Variants in IL1RAPL2 observed in about 807,000 individuals in gnomAD.
IL1RAPL2 encodes X-linked interleukin-1 receptor accessory protein-like 2.
A neutral mutation model predicts 44.1 loss-of-function variants in IL1RAPL2; 3 were observed. The ratio of observed to expected loss-of-function variants is 0.07; its 90% CI spans 0.03 to 0.18. The LOEUF (loss-of-function observed/expected upper bound fraction) is 0.18, where lower values mean the gene tolerates loss of function less well. Among genes scored for constraint, IL1RAPL2 ranks in the 10% least tolerant of loss-of-function variants. IL1RAPL2 has a pLI of 1.00. For synonymous variants in IL1RAPL2, 181 were observed against 178.8 expected, an observed-to-expected ratio of 1.01 and a Z score of -0.10; for missense variants, 391 against 496.4, an observed-to-expected ratio of 0.79 and a Z score of 2.02.
At chrX:105,754,231 AT>A (rs1177621206) in intron 9 of IL1RAPL2, among the ~76,000 whole-genome samples, 5 of 112,196 alleles carry the variant, frequency 4.5e-5, no homozygotes, top group East Asian at 2.8e-4. Flanking sequence ...ACTTAAAAAA[AT>A]TTTTTTTAAT....
intron 6 of IL1RAPL2, among the ~76,000 whole-genome samples, chrX:105,610,044 G>T (rs2037324288): frequency 8.9e-6 from 1 of 111,737 alleles, no homozygotes; most frequent in African/African-American, 3.2e-5. Flanking sequence ...AAAAGAGGCT[G>T]TCTGCTTGCC....
At chrX:105,383,159 A>C (rs1374555893) in intron 5 of IL1RAPL2, among the ~76,000 whole-genome samples, 1 of 110,632 alleles carries the variant, frequency 9.0e-6, no homozygotes, top group East Asian at 2.9e-4. Context: ...AATAAAAAAA[A>C]AAACTATAGT....
intron 2 of IL1RAPL2, among the ~76,000 whole-genome samples, chrX:104,855,680 C>CCTTTTTTTTTTTTTTTTT (rs1304044009): frequency 1.9e-5 from 1 of 53,778 alleles, no homozygotes; most frequent in African/African-American, 6.3e-5. Context: ...GATCTGGATC[C>CCTTTTTTTTTTTTTTTTT]GTTTTTTTTT....
intron 1 of IL1RAPL2, among the ~76,000 whole-genome samples, chrX:104,642,565 A>G (rs191868347): frequency 1.4e-3 from 155 of 109,990 alleles, no homozygotes; most frequent in African/African-American, 4.7e-3. Context: ...GCTCACTGCA[A>G]CCTCCACCTC....
intron 2 of IL1RAPL2, among the ~76,000 whole-genome samples, chrX:105,040,194 C>T (rs957159841): frequency 6.3e-5 from 7 of 111,223 alleles, no homozygotes; most frequent in East Asian, 2.8e-4. Context: ...TATCGATTTG[C>T]GTATATTGAA....
intron 2 of IL1RAPL2, among the ~76,000 whole-genome samples, chrX:105,045,507 C>T (rs748100836): frequency 3.8e-4 from 43 of 111,776 alleles, no homozygotes; most frequent in African/African-American, 1.4e-3. Flanking sequence ...CAGGGGACTG[C>T]TCTTTGCATT....
Position 104,658,877 on chromosome X carries a change from T to C in IL1RAPL2, c.-19-18T>C, listed in dbSNP as rs1264524311. ...GATCTGTGGTTCAAACTTTATATCCTTTTTTTTGACTTTTCAGCTGTCAAG... is the reference window on the plus strand; with the variant it reads ...GATCTGTGGTTCAAACTTTATATCCCTTTTTTTGACTTTTCAGCTGTCAAG... On this transcript the variant is annotated intron_variant, in intron 1 of 10. Transcript: ENST00000372582. 2 of 1,022,515 alleles carry C rather than the reference T, an allele frequency of 2.0e-6. No individual in the cohort carries two copies. The highest frequency in any genetic ancestry group is 6.3e-5 in the East Asian group (2 of 31,631). The allele number at this position is 1,022,515 out of a possible 1,213,427, so 84.3% of individuals were successfully genotyped here. A position where few individuals can be genotyped will look rare whatever the true frequency, so the allele number is the denominator to read the frequency against.
At chrX:104,942,194 G>A (rs1453838073) in intron 2 of IL1RAPL2, among the ~76,000 whole-genome samples, 1 of 111,697 alleles carries the variant, frequency 9.0e-6, no homozygotes, top group Non-Finnish European at 1.9e-5. Context: ...TTCTTTTTTG[G>A]TTCCATATGA....
chrX:105,521,692 C>T, intron 6 of IL1RAPL2, among the ~76,000 whole-genome samples: 1 of 112,159 alleles, frequency 8.9e-6, no homozygotes, highest in Non-Finnish European at 1.9e-5. Context: ...TGTGCTTTCC[C>T]TTCCACCATG....
chrX:105,420,432 C>A (rs1305247694), intron 5 of IL1RAPL2, among the ~76,000 whole-genome samples: 1 of 111,423 alleles, frequency 9.0e-6, no homozygotes, highest in Non-Finnish European at 1.9e-5. Context: ...TGTATTAACC[C>A]CAAATCCTAG....
chrX:105,445,317 C>CA (rs1168236754), intron 5 of IL1RAPL2, among the ~76,000 whole-genome samples: 2 of 110,936 alleles, frequency 1.8e-5, no homozygotes, highest in Non-Finnish European at 3.8e-5. Flanking sequence ...TTTATCTTTA[C>CA]AAAAAAACAA....
At chrX:105,298,025 A>C (rs1241810640) in intron 5 of IL1RAPL2, among the ~76,000 whole-genome samples, 2 of 110,783 alleles carry the variant, frequency 1.8e-5, no homozygotes, top group East Asian at 5.7e-4. Context: ...TGGTATAAAC[A>C]TGTTTATATA....
intron 2 of IL1RAPL2, among the ~76,000 whole-genome samples, chrX:104,679,987 C>T (rs764547833): frequency 8.1e-5 from 9 of 111,188 alleles, no homozygotes; most frequent in South Asian, 3.8e-4. Flanking sequence ...GGCAAAGAGG[C>T]GCTATGGGGT....
intron 2 of IL1RAPL2, among the ~76,000 whole-genome samples, chrX:104,730,009 T>C (rs1296569419): frequency 9.0e-6 from 1 of 110,614 alleles, no homozygotes; most frequent in Non-Finnish European, 1.9e-5. Flanking sequence ...ATTACAATGA[T>C]GATATAAGGA....
chrX:104,948,209 C>A (rs1391579048), intron 2 of IL1RAPL2, among the ~76,000 whole-genome samples: 1 of 107,305 alleles, frequency 9.3e-6, no homozygotes. Flanking sequence ...CATGATTTGG[C>A]TCTCTGTTTG....
At chrX:104,809,927 G>T (rs1279701853) in intron 2 of IL1RAPL2, among the ~76,000 whole-genome samples, 1 of 110,949 alleles carries the variant, frequency 9.0e-6, no homozygotes, top group Non-Finnish European at 1.9e-5. Flanking sequence ...TATACCCAAA[G>T]GACTATAAAT....
intron 6 of IL1RAPL2, among the ~76,000 whole-genome samples, chrX:105,527,436 TTGTG>T (rs10687485): frequency 0.016 from 1,491 of 95,584 alleles, 30 homozygotes; most frequent in African/African-American, 0.05. Context: ...TGAGAGTGTG[TTGTG>T]TGTGTGTGTG....
intron 6 of IL1RAPL2, among the ~76,000 whole-genome samples, chrX:105,597,205 A>C (rs1233867943): frequency 8.9e-6 from 1 of 111,855 alleles, no homozygotes; most frequent in Non-Finnish European, 1.9e-5. Flanking sequence ...AGTGTACCTG[A>C]ATAGACATTT....
At chrX:105,034,626 T>A (rs2031586502) in intron 2 of IL1RAPL2, among the ~76,000 whole-genome samples, 2 of 111,682 alleles carry the variant, frequency 1.8e-5, no homozygotes, top group Admixed American at 1.9e-4. Context: ...GAGTACCCGG[T>A]CATGTGAGGT....
Sources: gnomAD v4.1 joint callset for allele counts (sites outside exome capture counted in the v4.1 genomes callset) on GRCh38, gnomAD v4.1.1 for gene constraint, MANE v1.5 for transcripts, NCBI Gene and HGNC (gene_info 2026-07-23, HGNC 2026-07-21) for gene names.